EHBP1: variants seen among roughly 807,000 people sequenced by gnomAD.
EHBP1 encodes the protein EH domain binding protein 1.
In EHBP1, 55 loss-of-function variants were observed where a neutral mutation model predicts 144.0. The observed-to-expected ratio is 0.38, with a 90% CI of 0.31 to 0.48. EHBP1 has a LOEUF of 0.48. Among genes scored for constraint, EHBP1 ranks in the 20% least tolerant of loss-of-function variants. The probability of loss-of-function intolerance (pLI) is 0.98; values close to 1 mark genes in which losing one functional copy is unlikely to be tolerated. For synonymous variants in EHBP1, 469 were observed against 472.7 expected (o/e 0.99, Z 0.10); for missense variants, 1,200 against 1,364.2 (o/e 0.88, Z 1.90).
intron 19 of EHBP1, among the ~76,000 whole-genome samples, chr2:63,013,524 C>T (rs1055475768): frequency 6.6e-6 from 1 of 152,104 alleles, no homozygotes. Context: ...GAAACCCCCC[C>T]AAAAGACAAA....
chr2:62,905,697 G>A (rs1023927202), intron 10 of EHBP1, among the ~76,000 whole-genome samples: 4 of 151,892 alleles, frequency 2.6e-5, no homozygotes, highest in African/African-American at 4.8e-5. Flanking sequence ...GGTGACACAC[G>A]CCTGTAATCC....
At chr2:62,716,143 T>G (rs1454807166) in intron 2 of EHBP1, among the ~76,000 whole-genome samples, 2 of 152,032 alleles carry the variant, frequency 1.3e-5, no homozygotes, top group African/African-American at 4.8e-5. Flanking sequence ...CCCCACCCAT[T>G]CCTATCTCCT....
intron 5 of EHBP1, among the ~76,000 whole-genome samples, chr2:62,799,564 A>AT (rs1385795161): frequency 6.6e-6 from 1 of 152,292 alleles, no homozygotes; most frequent in South Asian, 2.1e-4. Context: ...TACCTATATG[A>AT]TTTTTTTAAT....
At chr2:62,710,146 G>A (rs192471981) in intron 2 of EHBP1, among the ~76,000 whole-genome samples, 19 of 152,142 alleles carry the variant, frequency 1.2e-4, no homozygotes, top group Admixed American at 3.3e-4. Flanking sequence ...TCATCTGTAG[G>A]CTTTTAGATT....
chr2:62,911,961 A>G (rs2152979316), intron 10 of EHBP1, among the ~76,000 whole-genome samples: 1 of 152,348 alleles, frequency 6.6e-6, no homozygotes, highest in African/African-American at 2.4e-5. Context: ...TGTGAAATAT[A>G]TATAAATGTA....
chr2:62,757,430 T>C lies in EHBP1; in HGVS notation c.163-6836T>C, dbSNP rs545725788. ...TTCTTTCTTTCTTTTTTTTTTCTTT[T>C]TTTTTTTTTTTTTTTGAGGCAGAGT... On this transcript the variant is annotated intron_variant, in intron 3 of 22. Transcript: ENST00000431489. 1.4e-4 allele frequency among the ~76,000 whole-genome samples: 20 copies of C among 143,918 alleles called. 1 individual carries two copies. The South Asian group carries it at 1.8e-3, about 13-fold the overall frequency. The allele number at this position is 143,918 out of a possible 152,430, so 94.4% of individuals were successfully genotyped here.
chr2:62,865,747 C>T (rs998936992), intron 9 of EHBP1, among the ~76,000 whole-genome samples: 1 of 152,136 alleles, frequency 6.6e-6, no homozygotes, highest in African/African-American at 2.4e-5. Flanking sequence ...AGAAACAAGA[C>T]GAGCCCTACA....
At chr2:62,853,362 C>A (rs1013049817) in intron 7 of EHBP1, among the ~76,000 whole-genome samples, 2 of 152,162 alleles carry the variant, frequency 1.3e-5, no homozygotes, top group African/African-American at 4.8e-5. Context: ...TTTGTTCATC[C>A]AGAGAAGCAA....
intron 3 of EHBP1, among the ~76,000 whole-genome samples, chr2:62,757,963 G>T (rs1461437387): frequency 6.7e-6 from 1 of 149,938 alleles, no homozygotes; most frequent in Non-Finnish European, 1.5e-5. Context: ...AGTGAGCCCA[G>T]ATAGCGCCAC....
At chr2:62,838,145 A>C (rs1465702930) in intron 7 of EHBP1, among the ~76,000 whole-genome samples, 1 of 151,746 alleles carries the variant, frequency 6.6e-6, no homozygotes, top group Non-Finnish European at 1.5e-5. Flanking sequence ...ACTATCTCTC[A>C]GACCACAGTG....
chr2:62,842,451 C>T (rs139814226), intron 7 of EHBP1, among the ~76,000 whole-genome samples: 1 of 152,150 alleles, frequency 6.6e-6, no homozygotes, highest in Non-Finnish European at 1.5e-5. Flanking sequence ...CTAATGATCT[C>T]TCCGTAAGCT....
chr2:62,709,555 A>G (rs1185395881), intron 2 of EHBP1, among the ~76,000 whole-genome samples: 1 of 152,176 alleles, frequency 6.6e-6, no homozygotes, highest in Non-Finnish European at 1.5e-5. Context: ...ATTTTTAAAT[A>G]ACAATTTAAG....
intron 19 of EHBP1, among the ~76,000 whole-genome samples, chr2:63,000,894 G>T (rs1015518716): frequency 6.6e-6 from 1 of 151,994 alleles, no homozygotes; most frequent in African/African-American, 2.4e-5. Context: ...CTTTAACTTT[G>T]TAATGATTTC....
intron 5 of EHBP1, among the ~76,000 whole-genome samples, chr2:62,791,242 C>T (rs1212011134): frequency 6.6e-6 from 1 of 151,836 alleles, no homozygotes; most frequent in Non-Finnish European, 1.5e-5. Flanking sequence ...TTTTATGCTT[C>T]TTCAAATAGT....
At chr2:62,980,164 A>G (rs967153160) in intron 15 of EHBP1, among the ~76,000 whole-genome samples, 1 of 152,204 alleles carries the variant, frequency 6.6e-6, no homozygotes, top group Admixed American at 6.5e-5. Context: ...AACTGGTTTT[A>G]TGGAAGACAG....
chr2:62,849,069 T>A (rs2048496321), intron 7 of EHBP1, among the ~76,000 whole-genome samples: 1 of 152,148 alleles, frequency 6.6e-6, no homozygotes, highest in African/African-American at 2.4e-5. Context: ...TCATGCTCTT[T>A]TATAATCTCC....
chr2:62,918,185 C>T (rs975559498), intron 10 of EHBP1, among the ~76,000 whole-genome samples: 2 of 152,130 alleles, frequency 1.3e-5, no homozygotes, highest in Admixed American at 6.5e-5. Flanking sequence ...GCGTGAGCCA[C>T]CACTCCCGGC....
intron 5 of EHBP1, among the ~76,000 whole-genome samples, chr2:62,773,475 G>A (rs967864564): frequency 1.3e-5 from 2 of 151,784 alleles, no homozygotes; most frequent in Non-Finnish European, 2.9e-5. Flanking sequence ...CTACCTTTGG[G>A]GTAGTAGCTT....
chr2:62,835,539 G>A (rs943277184), intron 7 of EHBP1, among the ~76,000 whole-genome samples: 9 of 152,316 alleles, frequency 5.9e-5, no homozygotes, highest in Middle Eastern at 3.4e-3. Context: ...CAGCGTGAGC[G>A]ACGCAGAAGA....
Sources: gnomAD v4.1 joint callset for allele counts (sites outside exome capture counted in the v4.1 genomes callset) on GRCh38, gnomAD v4.1.1 for gene constraint, MANE v1.5 for transcripts, NCBI Gene and HGNC (gene_info 2026-07-23, HGNC 2026-07-21) for gene names.